Variants in SGCD observed in about 807,000 individuals in gnomAD.
SGCD encodes the protein delta-sarcoglycan.
In SGCD, 18 loss-of-function variants were observed where a neutral mutation model predicts 36.6. That is an observed-to-expected ratio of 0.49 (90% CI 0.34 to 0.73). The LOEUF (loss-of-function observed/expected upper bound fraction) is 0.73. SGCD is among the 30% of genes least tolerant of loss of function. SGCD has a pLI of 0.01. For synonymous variants in SGCD, 133 were observed against 130.6 expected, an observed-to-expected ratio of 1.02 and a Z score of -0.12; for missense variants, 387 against 346.7, an observed-to-expected ratio of 1.12 and a Z score of -0.92.
intron 3 of SGCD, among the ~76,000 whole-genome samples, chr5:156,165,451 C>G (rs1763191128): frequency 6.6e-6 from 1 of 152,148 alleles, no homozygotes; most frequent in African/African-American, 2.4e-5. Context: ...TGAAAGGTAG[C>G]TGAATTCCAT....
chr5:155,884,598 T>A (rs1372198082), intron 1 of SGCD, among the ~76,000 whole-genome samples: 1 of 152,258 alleles, frequency 6.6e-6, no homozygotes, highest in Non-Finnish European at 1.5e-5. Context: ...TGATCTTGTC[T>A]CATTGCTTTC....
chr5:156,738,803 C>T (rs938922213), intron 7 of SGCD: 6 of 152,272 alleles, frequency 3.9e-5, no homozygotes, highest in Admixed American at 6.5e-5. Flanking sequence ...TTCCACATTT[C>T]GTCTTTATAA....
chr5:155,804,288 C>T, the SGCD span, among the ~76,000 whole-genome samples: 5 of 152,290 alleles, frequency 3.3e-5, no homozygotes, highest in South Asian at 1.0e-3. Flanking sequence ...CCACATTTTG[C>T]ATTTTGCAGA....
At chr5:156,668,536 C>A (rs1276525730) in intron 7 of SGCD, among the ~76,000 whole-genome samples, 1 of 152,168 alleles carries the variant, frequency 6.6e-6, no homozygotes, top group East Asian at 1.9e-4. Context: ...ATATATTTAT[C>A]TAAAACTCTT....
intron 1 of SGCD, among the ~76,000 whole-genome samples, chr5:156,099,902 T>C (rs983280609): frequency 1.3e-5 from 2 of 150,696 alleles, no homozygotes; most frequent in African/African-American, 4.9e-5. Context: ...TGTTAATATA[T>C]GCAGTGAAAA....
intron 1 of SGCD, among the ~76,000 whole-genome samples, chr5:156,040,612 C>T (rs1246353557): frequency 2.0e-5 from 3 of 152,168 alleles, no homozygotes; most frequent in Non-Finnish European, 4.4e-5. Context: ...CCACTTTCCA[C>T]TCTTCTGCAT....
intron 6 of SGCD, among the ~76,000 whole-genome samples, chr5:156,606,102 A>C (rs1211734098): frequency 1.3e-5 from 2 of 152,148 alleles, no homozygotes; most frequent in Admixed American, 1.3e-4. Flanking sequence ...TTGGTGTTTT[A>C]GACATGAAGT....
At chr5:156,206,472 T>C (rs564698979) in intron 3 of SGCD, among the ~76,000 whole-genome samples, 1 of 152,126 alleles carries the variant, frequency 6.6e-6, no homozygotes, top group East Asian at 1.9e-4. Flanking sequence ...CCACTAATAG[T>C]GTATGAGGTT....
At chr5:156,699,406 AG>A (rs1754443166) in intron 7 of SGCD, among the ~76,000 whole-genome samples, 1 of 152,234 alleles carries the variant, frequency 6.6e-6, no homozygotes, top group African/African-American at 2.4e-5. Flanking sequence ...TTAGTTTAGA[AG>A]GAAAGGCTGT....
chr5:156,349,541 G>A (rs989112447), intron 3 of SGCD, among the ~76,000 whole-genome samples: 1 of 151,938 alleles, frequency 6.6e-6, no homozygotes. Context: ...AAACCACAAT[G>A]AGATACCACC....
intron 6 of SGCD, among the ~76,000 whole-genome samples, chr5:156,641,495 T>C (rs1402500175): frequency 6.6e-6 from 1 of 152,238 alleles, no homozygotes; most frequent in Non-Finnish European, 1.5e-5. Context: ...AAAATATTCC[T>C]GGTAAATATC....
chr5:156,703,945 T>C (rs1754634464), intron 7 of SGCD: 3 of 152,260 alleles, frequency 2.0e-5, no homozygotes, highest in Admixed American at 1.3e-4. Context: ...CATATACCAC[T>C]GAGGGAGGAA....
At chr5:156,518,033 A>C (rs758614447) in intron 4 of SGCD, among the ~76,000 whole-genome samples, 1 of 152,224 alleles carries the variant, frequency 6.6e-6, no homozygotes, top group African/African-American at 2.4e-5. Flanking sequence ...CCCAATTAAA[A>C]GACACAGAAT....
chr5:156,646,413 C>T (rs1484719800), intron 6 of SGCD, among the ~76,000 whole-genome samples: 1 of 152,148 alleles, frequency 6.6e-6, no homozygotes. Context: ...CTAGTAGAAG[C>T]CTTCGGAACC....
intron 1 of SGCD, among the ~76,000 whole-genome samples, chr5:156,115,966 G>C (rs1435116463): frequency 6.6e-6 from 1 of 152,112 alleles, no homozygotes; most frequent in Non-Finnish European, 1.5e-5. Context: ...AGGAGGCAAT[G>C]ATGTCTTCTT....
chr5:156,335,351 A>G (rs1338725587), intron 2 of SGCD, among the ~76,000 whole-genome samples: 1 of 152,224 alleles, frequency 6.6e-6, no homozygotes, highest in East Asian at 1.9e-4. Flanking sequence ...CTGTACAGAT[A>G]CACTTTGACC....
At chr5:155,942,241 A>G (rs1461281580) in intron 1 of SGCD, among the ~76,000 whole-genome samples, 2 of 152,164 alleles carry the variant, frequency 1.3e-5, no homozygotes, top group Admixed American at 6.5e-5. Flanking sequence ...ATGGCAGTGG[A>G]TAAGTTTTGT....
intron 1 of SGCD, among the ~76,000 whole-genome samples, chr5:155,878,220 A>G (rs1755805450): frequency 6.6e-6 from 1 of 152,130 alleles, no homozygotes; most frequent in Non-Finnish European, 1.5e-5. Flanking sequence ...ATCTCATCCT[A>G]TAATAAGTTT....
At chr5:156,482,473 T>C (rs554679950) in intron 3 of SGCD, among the ~76,000 whole-genome samples, 15 of 152,368 alleles carry the variant, frequency 9.8e-5, no homozygotes, top group Admixed American at 3.3e-4. Flanking sequence ...ACTTCGTTTT[T>C]TTCTCCTTGA....
Sources: gnomAD v4.1 joint callset for allele counts (sites outside exome capture counted in the v4.1 genomes callset) on GRCh38, gnomAD v4.1.1 for gene constraint, MANE v1.5 for transcripts, NCBI Gene and HGNC (gene_info 2026-07-23, HGNC 2026-07-21) for gene names.